Variants in NAT16 observed in about 807,000 individuals in gnomAD.
NAT16 encodes N-acetyltransferase 16 (putative), also known as probable N-acetyltransferase 16.
Under a neutral mutation model 15.9 loss-of-function variants are expected in NAT16, and 16 were observed. The ratio of observed to expected loss-of-function variants is 1.01; its 90% CI spans 0.68 to 1.53. The LOEUF (loss-of-function observed/expected upper bound fraction) is 1.53, where lower values mean the gene tolerates loss of function less well. NAT16 is among the 40% of genes most tolerant of loss of function. The pLI, the probability that NAT16 is intolerant of heterozygous loss-of-function variation, is 0.00. For synonymous variants in NAT16, 260 were observed against 241.9 expected (o/e 1.07, Z -0.69); for missense variants, 572 against 508.4 (o/e 1.13, Z -1.20).
At position 101,173,504 on chromosome 7, in the gene NAT16, A is replaced by G. The variant is rs767489413; in HGVS notation, c.329T>C (p.Val110Ala). Reference sequence around the variant, plus strand: ...CGTCTCCCCGGCGTCGATCACGTTCACCGACTCCAGCGCGATCTGCGGACC... The same window carrying G: ...CGTCTCCCCGGCGTCGATCACGTTCGCCGACTCCAGCGCGATCTGCGGACC... ...RNGGVIALES[V>A]NVIDAGETVL... The change falls in exon 3 of 4, where the codon GTG (valine) becomes GCG (alanine). Residue 110 changes from valine to alanine, a missense_variant. Transcript: ENST00000300303. 4 of 1,601,590 alleles carry G rather than the reference A, an allele frequency of 2.5e-6. No individual in the cohort carries two copies. In the African/African-American group the frequency reaches 4.0e-5, roughly 16 times the overall value.
At chr7:101,173,580 G>C in intron 2 of NAT16, 60 bp from the exon 3 acceptor site, 12 of 1,399,026 alleles carry the variant, frequency 8.6e-6, no homozygotes, top group African/African-American at 1.4e-5. Context: ...CAGGGCTGTC[G>C]GTTCACTGGG....
chr7:101,177,113 A>C (rs1797484569), intron 1 of NAT16, among the ~76,000 whole-genome samples: 1 of 152,086 alleles, frequency 6.6e-6, no homozygotes, highest in South Asian at 2.1e-4. Context: ...GATTACCTGG[A>C]TATGGAGCCA....
intron 2 of NAT16, chr7:101,173,955 C>T (rs1450370264): frequency 4.8e-6 from 1 of 207,798 alleles, no homozygotes; most frequent in African/African-American, 2.3e-5. Context: ...GTCTGGAACT[C>T]CTAGCCTCAA....
rs992140382 is a variant in NAT16 at position 101,173,421 on chromosome 7, G to A, written c.412C>T (p.Leu138=). ...PWERGKGVAG[L]LQRFCSQLVK... Reference sequence around the variant, plus strand: ...AGCTGCGAGCAGAAGCGCTGCAGCAGCCCGGCCACGCCCTTCCCGCGCTCC... The same window carrying A: ...AGCTGCGAGCAGAAGCGCTGCAGCAACCCGGCCACGCCCTTCCCGCGCTCC... Residue 138 remains leucine (L), a synonymous_variant, in exon 3 of 4, where the codon CTG becomes TTG. Coordinates refer to ENST00000300303, the MANE Select transcript of NAT16 (RefSeq NM_198571.3). The A allele has an allele frequency of 6.2e-7, 1 of 1,612,868 alleles. No homozygotes were observed. The highest frequency in any genetic ancestry group is 1.7e-5 in the Admixed American group (1 of 59,938).
chr7:101,172,363 C>G lies in NAT16; in HGVS notation c.826G>C (p.Val276Leu). ...AAGGGGCGCGTGCACAGCGTGAGCA[C>G]GCGCGGGCGCGCGCGGCTGTCCACG... Reference protein sequence around the residue: ...WRVDSRARPRVLTLCTRPFPI... With the variant: ...WRVDSRARPRLLTLCTRPFPI... Residue 276 changes from valine (V) to leucine (L), a missense_variant, in exon 4 of 4, where the codon GTG becomes CTG. Coordinates refer to ENST00000300303, the MANE Select transcript of NAT16 (RefSeq NM_198571.3). This position sits in a 1 kb window ranked among gnomAD's most constrained non-coding sequence, Gnocchi z 4.2. 6.4e-7 allele frequency: 1 copy of G among 1,573,000 alleles called. No homozygotes were observed. The highest frequency in any genetic ancestry group is 1.4e-5 in the African/African-American group (1 of 73,786).
chr7:101,172,017 C>T lies in NAT16; in HGVS notation c.*62G>A. The T allele has an allele frequency of 8.2e-7, 1 of 1,223,038 alleles. No individual in the cohort carries two copies. Among genetic ancestry groups the T allele is most frequent in the Non-Finnish European group, 1.2e-6 (1 of 855,716 alleles). The allele number at this position is 1,223,038 out of a possible 1,614,324, so 75.8% of individuals were successfully genotyped here. A position where few individuals can be genotyped will look rare whatever the true frequency, so the allele number is the denominator to read the frequency against. On this transcript the variant is annotated 3_prime_UTR_variant, in exon 4 of 4. Coordinates refer to ENST00000300303, the MANE Select transcript of NAT16 (RefSeq NM_198571.3). This position sits in a 1 kb window ranked among gnomAD's most constrained non-coding sequence, Gnocchi z 4.2. ...AGCGTCGGAAATGGCAGGAAAGAGGCTGGCTGGGGAAACTGCGGAAGGGGG... is the reference window on the plus strand; with the variant it reads ...AGCGTCGGAAATGGCAGGAAAGAGGTTGGCTGGGGAAACTGCGGAAGGGGG...
Position 101,171,958 on chromosome 7 carries a change from G to T in NAT16, c.*121C>A. On this transcript the variant is annotated 3_prime_UTR_variant, in exon 4 of 4. Coordinates refer to ENST00000300303, the MANE Select transcript of NAT16 (RefSeq NM_198571.3). ...GGGACCTGCGCCGGTAAGGGCAGGA[G>T]GGCAGGAGTCAGAGGGGACTTCCCA... is the stretch of plus-strand genomic sequence containing the variant. 1.5e-6 allele frequency: 1 copy of T among 683,904 alleles called. No homozygotes were observed. The highest frequency in any genetic ancestry group is 2.5e-6 in the Non-Finnish European group (1 of 394,540). The allele number at this position is 683,904 out of a possible 1,614,324, so 42.4% of individuals were successfully genotyped here.
In NAT16 at chr7:101,173,489, G is replaced by A. The variant is rs773518847; in HGVS notation, c.344C>T (p.Ala115Val). 1 of 1,606,878 alleles carries A rather than the reference G, an allele frequency of 6.2e-7. No individual in the cohort carries two copies. The highest frequency in any genetic ancestry group is 1.7e-5 in the Admixed American group (1 of 59,738). Reference protein sequence around the residue: ...IALESVNVIDAGETVLVEGLR... With the variant: ...IALESVNVIDVGETVLVEGLR... The stretch of plus-strand genomic sequence containing the variant: ...CCCCTCCACCAGCACCGTCTCCCCG[G>A]CGTCGATCACGTTCACCGACTCCAG... The change falls in exon 3 of 4, where the codon GCC (alanine) becomes GTC (valine). Residue 115 changes from alanine (A) to valine (V), a missense_variant. By Grantham distance (64) the Ala-to-Val change is moderately conservative. Transcript: ENST00000300303.
At chr7:101,173,556 G>A in intron 2 of NAT16, 36 bp from the exon 3 acceptor site, 1 of 1,495,522 alleles carries the variant, frequency 6.7e-7, no homozygotes, top group Non-Finnish European at 8.9e-7. Context: ...GGCCCTCCCC[G>A]CCTGCGCCCC....
Position 101,173,386 on chromosome 7 carries a change from T to A in NAT16, c.447A>T (p.Arg149Ser). The A allele has an allele frequency of 1.9e-6, 3 of 1,613,914 alleles. No homozygotes were observed. Among genetic ancestry groups the A allele is most frequent in the Non-Finnish European group, 2.5e-6 (3 of 1,179,950 alleles). ...LQRFCSQLVK[R>S]QHPGVKVARL... ...GTGCCACCTTGACCCCCGGGTGCTG[T>A]CTCTTGACCAGCTGCGAGCAGAAGC... Residue 149 changes from arginine (R) to serine (S), a missense_variant, in exon 3 of 4, where the codon AGA (arginine) becomes AGT (serine). Coordinates refer to ENST00000300303, the MANE Select transcript of NAT16 (RefSeq NM_198571.3).
Position 101,174,594 on chromosome 7 carries a change from C to T in NAT16, c.214G>A (p.Gly72Ser), listed in dbSNP as rs1401059973. 4 of 1,614,202 alleles carry T rather than the reference C, an allele frequency of 2.5e-6. No individual in the cohort carries two copies. Among genetic ancestry groups the T allele is most frequent in the South Asian group, 2.2e-5 (2 of 91,084 alleles). Residue 72 changes from glycine (G) to serine (S), a missense_variant, in exon 2 of 4, where the codon GGC (glycine) becomes AGC (serine). By Grantham distance (56) the Gly-to-Ser change is moderately conservative. Coordinates refer to ENST00000300303, the MANE Select transcript of NAT16 (RefSeq NM_198571.3). ...EFEEVLAISG[G>S]IYGGLDYLPS... ...AGGTAGTCCAGGCCGCCGTAGATGCCCCCCGAGATGGCCAGCACTTCCTCA... is the reference window on the plus strand; with the variant it reads ...AGGTAGTCCAGGCCGCCGTAGATGCTCCCCGAGATGGCCAGCACTTCCTCA...
At chr7:101,176,166 C>T (rs372559048) in intron 1 of NAT16, among the ~76,000 whole-genome samples, 4 of 152,242 alleles carry the variant, frequency 2.6e-5, no homozygotes, top group African/African-American at 9.6e-5. Context: ...TTCCCTGTCC[C>T]CCCACCTCCA....
Position 101,171,689 on chromosome 7 carries a change from G to A in NAT16, c.*390C>T. The stretch of plus-strand genomic sequence containing the variant: ...CTCCTGAGTTCTTCCACCCACGAGG[G>A]GGCAGAAGGGAGAAGCCAGGAAAGG... On this transcript the variant is annotated 3_prime_UTR_variant, in exon 4 of 4. Coordinates refer to ENST00000300303, the MANE Select transcript of NAT16 (RefSeq NM_198571.3). 1 of 191,236 alleles carries A rather than the reference G, an allele frequency of 5.2e-6. No individual in the cohort carries two copies. The highest frequency in any genetic ancestry group is 1.1e-5 in the Non-Finnish European group (1 of 93,954). 11.8% of individuals were successfully genotyped at this position (191,236 alleles called of 1,614,324 possible).
intron 2 of NAT16, chr7:101,173,991 A>G (rs1797404349): frequency 5.0e-6 from 1 of 199,562 alleles, no homozygotes; most frequent in East Asian, 1.2e-4. Context: ...CGGCCTCCCA[A>G]AGAGCTGGGG....
At position 101,174,936 on chromosome 7, in the gene NAT16, T is replaced by C. The variant is rs1230424357; in HGVS notation, c.-4-125A>G. The stretch of plus-strand genomic sequence containing the variant: ...AGCCTTTCTTTTTCTTTTCTTTTAT[T>C]TATTTACTTATTTACTTATTTATTT... On this transcript the variant is annotated intron_variant, in intron 1 of 3. Transcript: ENST00000300303. 2.7e-6 allele frequency: 3 copies of C among 1,115,358 alleles called. No individual in the cohort carries two copies. The African/African-American group carries it at 4.9e-5, about 18-fold the overall frequency. 69.1% of individuals were successfully genotyped at this position (1,115,358 alleles called of 1,614,324 possible). A position where few individuals can be genotyped will look rare whatever the true frequency, so the allele number is the denominator to read the frequency against.
Position 101,171,807 on chromosome 7 carries a change from T to A in NAT16, c.*272A>T. Reference sequence around the variant, plus strand: ...GTTCTTTGGAAAAACAGAGGGTGGATAACAGCAGCTCAAGGCCCCCACCCC... The same window carrying A: ...GTTCTTTGGAAAAACAGAGGGTGGAAAACAGCAGCTCAAGGCCCCCACCCC... On this transcript the variant is annotated 3_prime_UTR_variant, in exon 4 of 4. Coordinates refer to ENST00000300303, the MANE Select transcript of NAT16 (RefSeq NM_198571.3). 1 of 433,964 alleles carries A rather than the reference T, an allele frequency of 2.3e-6. No homozygotes were observed. Among genetic ancestry groups the A allele is most frequent in the Non-Finnish European group, 4.1e-6 (1 of 244,084 alleles). The allele number at this position is 433,964 out of a possible 1,614,324, so 26.9% of individuals were successfully genotyped here.
intron 1 of NAT16, chr7:101,178,974 T>C (rs1797532400): frequency 6.7e-6 from 1 of 149,654 alleles, no homozygotes; most frequent in Non-Finnish European, 1.5e-5. Context: ...TTAAATCTCA[T>C]AAATATGAAT....
At chr7:101,173,038 G>A (rs1026861038) in intron 3 of NAT16, among the ~76,000 whole-genome samples, 18 of 152,172 alleles carry the variant, frequency 1.2e-4, no homozygotes, top group Non-Finnish European at 2.2e-4. Flanking sequence ...GCCCTGAACA[G>A]AGGCAGGATC....
intron 1 of NAT16, among the ~76,000 whole-genome samples, chr7:101,175,647 G>C (rs927550370): frequency 3.3e-5 from 5 of 151,970 alleles, no homozygotes; most frequent in Non-Finnish European, 5.9e-5. Context: ...GAAGAAGAAG[G>C]CTGGACACGG....
Sources: allele counts gnomAD v4.1 joint callset (sites outside exome capture counted in the v4.1 genomes callset), GRCh38; gene constraint gnomAD v4.1.1; non-coding constraint Gnocchi (gnomAD v3.1); transcripts MANE v1.5; gene names NCBI Gene and HGNC (gene_info 2026-07-23, HGNC 2026-07-21).